Variants in CADM2 observed in about 807,000 individuals in gnomAD.
CADM2 encodes the protein immunoglobulin superfamily member 4D.
Under a neutral mutation model 49.8 loss-of-function variants are expected in CADM2, and 12 were observed. That is an observed-to-expected ratio of 0.24 (90% CI 0.15 to 0.39). The LOEUF (loss-of-function observed/expected upper bound fraction) is 0.39. Among genes scored for constraint, CADM2 ranks in the 10% least tolerant of loss-of-function variants. The pLI is 1.00. For synonymous variants in CADM2, 214 were observed against 175.4 expected (o/e 1.22, Z -1.74); for missense variants, 378 against 492.3 (o/e 0.77, Z 2.20).
chr3:85,220,489 C>T (rs2042020580), intron 1 of CADM2, among the ~76,000 whole-genome samples: 2 of 152,108 alleles, frequency 1.3e-5, no homozygotes, highest in African/African-American at 4.8e-5. Context: ...GTCAAGCATA[C>T]AAGTCAGGTT....
intron 1 of CADM2, among the ~76,000 whole-genome samples, chr3:85,297,672 C>G (rs1295892929): frequency 6.6e-6 from 1 of 152,010 alleles, no homozygotes; most frequent in Admixed American, 6.6e-5. Context: ...CACACCTACC[C>G]TCTAACCCCA....
At chr3:85,162,943 C>CATAT (rs150975766) in intron 1 of CADM2, among the ~76,000 whole-genome samples, 13 of 150,236 alleles carry the variant, frequency 8.7e-5, no homozygotes, top group African/African-American at 3.2e-4. Context: ...AGAAAATAGA[C>CATAT]ATATATATAT....
intron 1 of CADM2, among the ~76,000 whole-genome samples, chr3:85,585,831 C>G (rs766431118): frequency 6.6e-6 from 1 of 151,888 alleles, no homozygotes; most frequent in Non-Finnish European, 1.5e-5. Flanking sequence ...GCCCTATGAT[C>G]TTATAATACA....
chr3:85,472,604 A>T (rs183424858), intron 1 of CADM2, among the ~76,000 whole-genome samples: 1 of 152,182 alleles, frequency 6.6e-6, no homozygotes, highest in East Asian at 1.9e-4. Flanking sequence ...CAATATGTTT[A>T]ACATGTTAAC....
intron 3 of CADM2, among the ~76,000 whole-genome samples, chr3:85,872,792 A>C (rs1418419130): frequency 6.6e-6 from 1 of 151,420 alleles, no homozygotes; most frequent in South Asian, 2.1e-4. Flanking sequence ...AATTTTCCAA[A>C]ATTTTATGGT....
chr3:85,737,885 C>T (rs964153974), intron 2 of CADM2, among the ~76,000 whole-genome samples: 2 of 152,022 alleles, frequency 1.3e-5, no homozygotes, highest in African/African-American at 4.8e-5. Flanking sequence ...TATGTGTTTT[C>T]CCATCTTGGC....
chr3:85,638,627 T>A (rs2064597297), intron 1 of CADM2, among the ~76,000 whole-genome samples: 3 of 152,216 alleles, frequency 2.0e-5, no homozygotes, highest in Admixed American at 1.3e-4. Flanking sequence ...TTTGTTTTAC[T>A]AAGGTTATTT....
intron 1 of CADM2, among the ~76,000 whole-genome samples, chr3:85,066,212 A>G (rs935252366): frequency 6.6e-6 from 1 of 151,962 alleles, no homozygotes; most frequent in African/African-American, 2.4e-5. Context: ...GTTGTTCCTG[A>G]GGCACAGGTG....
rs938542518 is a variant in CADM2 at position 85,586,504 on chromosome 3, A to T, written c.62-140018A>T. Among the ~76,000 whole-genome samples the T allele has an allele frequency of 2.0e-5, 3 of 152,146 alleles. No individual in the cohort carries two copies. The East Asian group carries it at 5.8e-4, about 29-fold the overall frequency. ...TTTCATAATACAGTTGCTATTTCCC[A>T]TTTAGATTTCATTAGAAAAGATGAT... On this transcript the variant is annotated intron_variant, in intron 1 of 9. Coordinates refer to ENST00000383699, the MANE Select transcript of CADM2 (RefSeq NM_001167675.2).
chr3:85,454,081 G>C (rs186308825), intron 1 of CADM2, among the ~76,000 whole-genome samples: 14 of 152,102 alleles, frequency 9.2e-5, no homozygotes, highest in African/African-American at 3.4e-4. Context: ...GCGGCTGGGC[G>C]TGGAGGCTCA....
intron 1 of CADM2, among the ~76,000 whole-genome samples, chr3:85,514,299 C>A (rs775583872): frequency 6.6e-6 from 1 of 151,994 alleles, no homozygotes; most frequent in African/African-American, 2.4e-5. Context: ...TCTCTATTCA[C>A]GTTTTGTAAT....
At chr3:85,639,607 AC>A (rs559791063) in intron 1 of CADM2, among the ~76,000 whole-genome samples, 42 of 152,250 alleles carry the variant, frequency 2.8e-4, no homozygotes, top group African/African-American at 9.4e-4. Context: ...TATGTGTATA[AC>A]TTGCCTTTTA....
chr3:86,038,434 C>G (rs1421373254), intron 8 of CADM2, among the ~76,000 whole-genome samples: 1 of 152,190 alleles, frequency 6.6e-6, no homozygotes, highest in Non-Finnish European at 1.5e-5. Flanking sequence ...GATTCAGAGG[C>G]TACCTTAACC....
chr3:85,635,131 C>T (rs2064427623), intron 1 of CADM2, among the ~76,000 whole-genome samples: 1 of 152,038 alleles, frequency 6.6e-6, no homozygotes, highest in Admixed American at 6.6e-5. Context: ...AAGGTCTCTC[C>T]TTTATAGCTT....
intron 1 of CADM2, among the ~76,000 whole-genome samples, chr3:85,658,576 GTATATATATATATATATATATA>G (rs397990421): frequency 4.8e-4 from 33 of 68,732 alleles, no homozygotes; most frequent in Admixed American, 1.5e-3. Flanking sequence ...GGATATATGT[GTATATATATATATATATATATA>G]TATATATATA....
At chr3:85,554,112 T>G (rs2029134) in intron 1 of CADM2, among the ~76,000 whole-genome samples, 88,353 of 148,910 alleles carry the variant, frequency 0.59, 27,666 homozygotes, top group East Asian at 0.93. Flanking sequence ...ACAGAAGTAG[T>G]CAGGGTTAGT....
intron 1 of CADM2, among the ~76,000 whole-genome samples, chr3:85,594,552 C>T (rs183809968): frequency 2.0e-5 from 3 of 151,624 alleles, no homozygotes; most frequent in Admixed American, 2.0e-4. Context: ...GCAATAGAAC[C>T]AACTTTATGT....
At chr3:85,318,506 G>GA (rs1297991233) in intron 1 of CADM2, among the ~76,000 whole-genome samples, 1 of 151,386 alleles carries the variant, frequency 6.6e-6, no homozygotes, top group Admixed American at 6.6e-5. Flanking sequence ...AAACCAAACA[G>GA]AAAAAAAATT....
chr3:85,716,522 G>T (rs148324207), intron 1 of CADM2, among the ~76,000 whole-genome samples: 5 of 152,252 alleles, frequency 3.3e-5, no homozygotes, highest in South Asian at 2.1e-4. Context: ...GATCCCATTT[G>T]TCAATGTTGT....
Sources: gnomAD v4.1 joint callset for allele counts (sites outside exome capture counted in the v4.1 genomes callset) on GRCh38, gnomAD v4.1.1 for gene constraint, MANE v1.5 for transcripts, NCBI Gene and HGNC (gene_info 2026-07-23, HGNC 2026-07-21) for gene names.